Variants in RRN3 observed in about 807,000 individuals in gnomAD.
RRN3 encodes RNA polymerase I transcription factor RRN3.
In RRN3, 38 loss-of-function variants were observed where a neutral mutation model predicts 82.3. The ratio of observed to expected loss-of-function variants is 0.46; its 90% CI spans 0.36 to 0.61. The LOEUF is 0.61. Among genes scored for constraint, RRN3 ranks in the 20% least tolerant of loss-of-function variants. The probability of loss-of-function intolerance (pLI) is 0.00; values close to 1 mark genes in which losing one functional copy is unlikely to be tolerated. For missense variants in RRN3, 726 were observed against 793.1 expected (o/e 0.92, Z 1.02); for synonymous variants, 284 against 284.3 (o/e 1.00, Z 0.01).
At chr16:15,070,532 C>T (rs954029100) in intron 13 of RRN3, among the ~76,000 whole-genome samples, 3 of 152,040 alleles carry the variant, frequency 2.0e-5, no homozygotes, top group Non-Finnish European at 2.9e-5. Flanking sequence ...TTCTCCTAAC[C>T]ATCTCAAAGG....
Position 15,092,633 on chromosome 16 carries a change from C to T in RRN3, c.90-19G>A. ...TGAAATCCTGTGGAACCAAGATTAA[C>T]AAGCTATTAAGTTCATGAAAATAAT... On this transcript the variant is annotated intron_variant, in intron 1 of 17. Coordinates refer to ENST00000198767, the MANE Select transcript of RRN3 (RefSeq NM_018427.5). The T allele has an allele frequency of 1.4e-6, 2 of 1,416,598 alleles. No individual in the cohort carries two copies. The highest frequency in any genetic ancestry group is 2.0e-6 in the Non-Finnish European group (2 of 1,001,064). The allele number at this position is 1,416,598 out of a possible 1,614,324, so 87.8% of individuals were successfully genotyped here.
At chr16:15,083,367 C>G (rs2151807940) in intron 8 of RRN3, 146 bp downstream of exon 8, 1 of 1,323,258 alleles carries the variant, frequency 7.6e-7, no homozygotes, top group East Asian at 2.7e-5. Context: ...CCATTGCACT[C>G]CAGCTTGGGC....
rs767585137 is a variant in RRN3, at chr16:15,094,223, G to T, written c.11C>A (p.Pro4Gln). 1 of 1,591,440 alleles carries T rather than the reference G, an allele frequency of 6.3e-7. No individual in the cohort carries two copies. The highest frequency in any genetic ancestry group is 8.5e-7 in the Non-Finnish European group (1 of 1,169,672). ...TCCCGGCAAACGCGTGTGAAGCAGC[G>T]GTGCCGCCATTGGGCCGAACTAACG... Reference protein sequence around the residue: MAAPLLHTRLPGDA... With the variant: MAAQLLHTRLPGDA... The change falls in exon 1 of 18, where the codon CCG becomes CAG. Residue 4 changes from proline to glutamine, a missense_variant. Transcript: ENST00000198767.
intron 3 of RRN3, among the ~76,000 whole-genome samples, chr16:15,089,148 CA>C (rs1370590660): frequency 3.3e-5 from 5 of 151,616 alleles, no homozygotes; most frequent in Non-Finnish European, 7.4e-5. Flanking sequence ...ACTGAAAATA[CA>C]AAAAAATTAG....
At chr16:15,084,891 C>G (rs2045856506) in intron 6 of RRN3, among the ~76,000 whole-genome samples, 186 bp from the exon 7 acceptor site, 1 of 151,908 alleles carries the variant, frequency 6.6e-6, no homozygotes, top group Admixed American at 6.6e-5. Flanking sequence ...TATGGTGAAA[C>G]CCCATCTCTA....
chr16:15,086,311 T>A, intron 4 of RRN3, 53 bp from the exon 5 acceptor site: 1 of 1,605,914 alleles, frequency 6.2e-7, no homozygotes, highest in Non-Finnish European at 8.5e-7. Context: ...TAACATATAC[T>A]ATTACCAAAG....
chr16:15,080,340 TAAA>T (rs1358469575), intron 8 of RRN3, among the ~76,000 whole-genome samples: 1 of 152,240 alleles, frequency 6.6e-6, no homozygotes, highest in Non-Finnish European at 1.5e-5. Context: ...GCTGTATTGA[TAAA>T]ACTCATATAT....
chr16:15,068,953 T>A (rs951254124), intron 14 of RRN3, among the ~76,000 whole-genome samples: 4 of 152,210 alleles, frequency 2.6e-5, no homozygotes, highest in African/African-American at 9.7e-5. Flanking sequence ...AAATGGGATG[T>A]CACAGCTTAC....
chr16:15,092,980 T>C (rs1456963037), intron 1 of RRN3, among the ~76,000 whole-genome samples: 1 of 152,114 alleles, frequency 6.6e-6, no homozygotes, highest in Non-Finnish European at 1.5e-5. Context: ...CTATTGGAAA[T>C]ACTCTTTTCC....
At chr16:15,069,996 A>C in intron 14 of RRN3, 74 bp downstream of exon 14, 1 of 1,221,306 alleles carries the variant, frequency 8.2e-7, no homozygotes, top group Non-Finnish European at 1.2e-6. Flanking sequence ...AATCTCAAAA[A>C]AGTAATGAAT....
intron 11 of RRN3, among the ~76,000 whole-genome samples, chr16:15,073,956 A>G (rs1567199780): frequency 6.6e-6 from 1 of 152,176 alleles, no homozygotes; most frequent in Non-Finnish European, 1.5e-5. Context: ...ATCCATGTAA[A>G]GGGCAGATTA....
At chr16:15,075,048 G>C (rs537988416) in intron 10 of RRN3, among the ~76,000 whole-genome samples, 187 bp from the exon 11 acceptor site, 1 of 152,160 alleles carries the variant, frequency 6.6e-6, no homozygotes, top group South Asian at 2.1e-4. Context: ...TCAGGAGTTT[G>C]AGACCAGCCT....
rs553992239 is a variant in RRN3 at position 15,074,782 on chromosome 16, C to G, written c.938G>C (p.Arg313Pro). 1 of 1,613,904 alleles carries G rather than the reference C, an allele frequency of 6.2e-7. No individual in the cohort carries two copies. Among genetic ancestry groups the G allele is most frequent in the Non-Finnish European group, 8.5e-7 (1 of 1,180,000 alleles). The change falls in exon 11 of 18, where the codon CGC becomes CCC. Residue 313 changes from arginine to proline, a missense_variant. Arg to Pro is a moderately radical substitution (Grantham distance 103). Around this residue, in one of 4 missense-constraint regions of RRN3, gnomAD observed 344 missense variants for 394.5 expected, o/e 0.87. Coordinates refer to ENST00000198767, the MANE Select transcript of RRN3 (RefSeq NM_018427.5). ...AACCAAAGACATCAGGATGTCCAGGCGCTCGGCTACAGGATGCACCATCTG... is the reference window on the plus strand; with the variant it reads ...AACCAAAGACATCAGGATGTCCAGGGGCTCGGCTACAGGATGCACCATCTG... ...LDQMVHPVAERLDILMSLVLS... is the reference protein window; with the variant it reads ...LDQMVHPVAEPLDILMSLVLS...
intron 15 of RRN3, 81 bp from the exon 16 acceptor site, chr16:15,065,452 C>T: frequency 8.4e-7 from 1 of 1,188,484 alleles, no homozygotes; most frequent in East Asian, 2.4e-5. Context: ...CGTGTGACAA[C>T]TGTACCTACC....
intron 12 of RRN3, among the ~76,000 whole-genome samples, chr16:15,072,477 C>T (rs943186200): frequency 1.2e-4 from 19 of 152,058 alleles, no homozygotes; most frequent in Non-Finnish European, 2.2e-4. Flanking sequence ...GGCTGGCAGG[C>T]AGCAATCTGT....
At chr16:15,076,958 C>A (rs1291212286) in intron 9 of RRN3, among the ~76,000 whole-genome samples, 1 of 150,586 alleles carries the variant, frequency 6.6e-6, no homozygotes, top group African/African-American at 2.4e-5. Flanking sequence ...TATGGTCTGG[C>A]TCTGTGTCCC....
chr16:15,090,117 G>A (rs986787512), intron 3 of RRN3, among the ~76,000 whole-genome samples: 3 of 152,000 alleles, frequency 2.0e-5, no homozygotes, highest in Non-Finnish European at 4.4e-5. Flanking sequence ...GGCTGAGGCA[G>A]GAGAATTGCT....
At chr16:15,079,252 TG>T (rs1310018859) in intron 9 of RRN3, among the ~76,000 whole-genome samples, 1 of 152,188 alleles carries the variant, frequency 6.6e-6, no homozygotes, top group African/African-American at 2.4e-5. Context: ...TTCCTGACAA[TG>T]TCACTAGAAT....
chr16:15,069,608 C>T (rs928254589), intron 14 of RRN3, among the ~76,000 whole-genome samples: 1 of 152,174 alleles, frequency 6.6e-6, no homozygotes, highest in African/African-American at 2.4e-5. Flanking sequence ...CCAAACCTGG[C>T]TTCAGTTTTC....
Sources: gnomAD v4.1 joint callset for allele counts (sites outside exome capture counted in the v4.1 genomes callset) on GRCh38, gnomAD v4.1.1 for gene constraint, gnomAD v4.1.1 regional missense constraint, MANE v1.5 for transcripts, NCBI Gene and HGNC (gene_info 2026-07-23, HGNC 2026-07-21) for gene names.